Variants in DRC1 observed in about 807,000 individuals in gnomAD.
DRC1 encodes the protein dynein regulatory complex protein 1.
DRC1 carries 74 observed loss-of-function variants against 98.7 expected under a neutral mutation model. The ratio of observed to expected loss-of-function variants is 0.75; its 90% CI spans 0.62 to 0.91. The LOEUF (loss-of-function observed/expected upper bound fraction) is 0.91, where lower values mean the gene tolerates loss of function less well. Ranked by LOEUF, DRC1 falls within the 40% of genes least tolerant of loss-of-function variation. The probability of loss-of-function intolerance (pLI) is 0.00; values close to 1 mark genes in which losing one functional copy is unlikely to be tolerated. For synonymous variants in DRC1, 336 were observed against 334.1 expected, an observed-to-expected ratio of 1.01 and a Z score of -0.06; for missense variants, 875 against 886.0, an observed-to-expected ratio of 0.99 and a Z score of 0.16.
chr2:26,445,300 G>T (rs1010713680), intron 10 of DRC1, among the ~76,000 whole-genome samples: 2 of 152,174 alleles, frequency 1.3e-5, no homozygotes, highest in African/African-American at 4.8e-5. Flanking sequence ...TTGCAAAATG[G>T]TGATATGTTA....
chr2:26,448,031 C>G (rs957677345), intron 10 of DRC1, among the ~76,000 whole-genome samples: 33 of 151,162 alleles, frequency 2.2e-4, no homozygotes, highest in African/African-American at 7.7e-4. Context: ...TCGAGACCAG[C>G]CTGGCCAATG....
At chr2:26,439,030 G>T (rs956684117) in intron 7 of DRC1, among the ~76,000 whole-genome samples, 1 of 152,058 alleles carries the variant, frequency 6.6e-6, no homozygotes, top group Non-Finnish European at 1.5e-5. Flanking sequence ...CATTTTCAGT[G>T]ACCCTCCATT....
At chr2:26,448,899 GC>G in intron 11 of DRC1, 96 bp downstream of exon 11, 1 of 1,283,756 alleles carries the variant, frequency 7.8e-7, no homozygotes, top group Non-Finnish European at 1.1e-6. Context: ...TCAGGAGTGG[GC>G]CAGTCCTCCC....
At chr2:26,436,612 C>T (rs1663577750) in intron 7 of DRC1, among the ~76,000 whole-genome samples, 1 of 152,194 alleles carries the variant, frequency 6.6e-6, no homozygotes, top group Admixed American at 6.5e-5. Context: ...CATGCCCAGC[C>T]ATCCATATAC....
chr2:26,453,466 G>A lies in DRC1; in HGVS notation c.1836G>A (p.Glu612=). ...AAGGGGAGAAGGAGGAAGAGGAGGA[G>A]ACCCCACCCTCCCCCTGGGTCATCC... ...LVEGEKEEEE[E]TPPSPWVIHP... Residue 612 remains glutamate, a synonymous_variant, in exon 14 of 17, where the codon GAG becomes GAA. Transcript: ENST00000288710. 1 of 1,607,206 alleles carries A rather than the reference G, an allele frequency of 6.2e-7. No homozygotes were observed. The highest frequency in any genetic ancestry group is 2.2e-5 in the East Asian group (1 of 44,848).
chr2:26,403,033 A>G (rs920664745), intron 1 of DRC1, among the ~76,000 whole-genome samples: 1 of 152,372 alleles, frequency 6.6e-6, no homozygotes, highest in Non-Finnish European at 1.5e-5. Flanking sequence ...CTGTGTTCCA[A>G]TAAAGCTTTA....
intron 4 of DRC1, among the ~76,000 whole-genome samples, chr2:26,425,538 C>T (rs1558441779): frequency 6.6e-6 from 1 of 152,174 alleles, no homozygotes; most frequent in Non-Finnish European, 1.5e-5. Context: ...ACATTCCCAC[C>T]AACAGTACAC....
At chr2:26,405,006 G>T in intron 1 of DRC1, among the ~76,000 whole-genome samples, 1 of 152,178 alleles carries the variant, frequency 6.6e-6, no homozygotes, top group East Asian at 1.9e-4. Flanking sequence ...CCCCTTTGGG[G>T]AAGAACTGGG....
intron 2 of DRC1, among the ~76,000 whole-genome samples, chr2:26,417,096 C>T (rs945659159): frequency 2.0e-5 from 3 of 152,092 alleles, no homozygotes; most frequent in Non-Finnish European, 4.4e-5. Context: ...GAGGAATCCA[C>T]CCCCATGATC....
intron 5 of DRC1, 32 bp from the exon 6 acceptor site, chr2:26,430,748 AAAACAG>A: frequency 6.2e-7 from 1 of 1,609,624 alleles, no homozygotes; most frequent in Middle Eastern, 1.7e-4. Context: ...CTGCCCAATC[AAAACAG>A]ATGCAAGAGT....
intron 1 of DRC1, 96 bp from the exon 2 acceptor site, chr2:26,414,248 A>T: frequency 7.9e-7 from 1 of 1,266,626 alleles, no homozygotes; most frequent in Non-Finnish European, 1.1e-6. Flanking sequence ...AACTGTTGGG[A>T]TTACAGGCAT....
intron 2 of DRC1, among the ~76,000 whole-genome samples, chr2:26,418,691 A>G (rs1262606147): frequency 2.2e-5 from 2 of 89,338 alleles, no homozygotes; most frequent in African/African-American, 8.9e-5. Flanking sequence ...TTTATATTAT[A>G]TATAAATTAT....
intron 4 of DRC1, among the ~76,000 whole-genome samples, chr2:26,425,851 C>A (rs78727306): frequency 6.6e-6 from 1 of 151,990 alleles, no homozygotes; most frequent in Non-Finnish European, 1.5e-5. Flanking sequence ...ATTTCCTATT[C>A]CGTATATTGC....
intron 2 of DRC1, among the ~76,000 whole-genome samples, chr2:26,417,084 A>G (rs907671360): frequency 6.6e-6 from 1 of 152,130 alleles, no homozygotes; most frequent in African/African-American, 2.4e-5. Flanking sequence ...GTGCTAAACT[A>G]TGAGGAATCC....
intron 7 of DRC1, among the ~76,000 whole-genome samples, chr2:26,439,594 C>T (rs1663659320): frequency 6.6e-6 from 1 of 152,018 alleles, no homozygotes; most frequent in Non-Finnish European, 1.5e-5. Flanking sequence ...CACTTCTACC[C>T]TGGAAGGTCA....
rs747358703 is a variant in DRC1, at chr2:26,421,387, A to AT, written c.344dup (p.Arg117AlafsTer5). On this transcript the variant is annotated frameshift_variant, in exon 3 of 17. Coordinates refer to ENST00000288710, the MANE Select transcript of DRC1 (RefSeq NM_145038.5). LOFTEE classifies it high-confidence loss of function. ...TCACAGGAGAGTCGAAGAAGAGGAG[A>AT]TAAAGCGTCAAAGGTAAGGACTGTG... 22 of 1,613,008 alleles carry AT rather than the reference A, an allele frequency of 1.4e-5. No individual in the cohort carries two copies. The highest frequency in any genetic ancestry group is 3.3e-5 in the Admixed American group (2 of 59,974).
intron 5 of DRC1, 126 bp from the exon 6 acceptor site, chr2:26,430,660 A>G (rs200644015): frequency 1.4e-4 from 136 of 972,124 alleles, no homozygotes; most frequent in Non-Finnish European, 2.3e-5. Context: ...GCAGGTCTGA[A>G]TTTGGATTTG....
chr2:26,445,723 A>G (rs1663832917), intron 10 of DRC1, among the ~76,000 whole-genome samples: 1 of 152,052 alleles, frequency 6.6e-6, no homozygotes, highest in African/African-American at 2.4e-5. Flanking sequence ...CAGTGGCGCG[A>G]TCTGGGCTCA....
rs75522945 is a variant in DRC1, at chr2:26,454,459, G to A, written c.1920-188G>A. On this transcript the variant is annotated intron_variant, in intron 14 of 16. Coordinates refer to ENST00000288710, the MANE Select transcript of DRC1 (RefSeq NM_145038.5). The surrounding 1 kb of genome is among the most constrained non-coding windows in gnomAD (Gnocchi z 5.2). ...CGGATTATGCCCTCACGAAGGTACC[G>A]GTGGTACCGAGGCAGGAACGTTGAC... is the stretch of plus-strand genomic sequence containing the variant. Among the ~76,000 whole-genome samples, 2,919 of 152,234 alleles carry A rather than the reference G, an allele frequency of 0.019. 91 individuals carry two copies. Among genetic ancestry groups the A allele is most frequent in the African/African-American group, 0.063 (2,601 of 41,522 alleles).
Sources: allele counts gnomAD v4.1 joint callset (sites outside exome capture counted in the v4.1 genomes callset), GRCh38; gene constraint gnomAD v4.1.1; non-coding constraint Gnocchi (gnomAD v3.1); transcripts MANE v1.5; gene names NCBI Gene and HGNC (gene_info 2026-07-23, HGNC 2026-07-21).